ZNF892: variants seen among roughly 807,000 people sequenced by gnomAD.
ZNF892 encodes zinc finger protein 892.
At chr2:95,228,373 T>A in the ZNF892 span, among the ~76,000 whole-genome samples, 1 of 152,154 alleles carries the variant, frequency 6.6e-6, no homozygotes, top group Non-Finnish European at 1.5e-5. Flanking sequence ...AAGGTTATAG[T>A]GAGCTAGGAT....
the ZNF892 span, among the ~76,000 whole-genome samples, chr2:95,229,243 C>T: frequency 2.6e-5 from 4 of 152,298 alleles, no homozygotes; most frequent in South Asian, 8.3e-4. Context: ...TCCAGGTTCA[C>T]GGTATCACTA....
At chr2:95,239,664 G>A in the ZNF892 span, among the ~76,000 whole-genome samples, 2 of 151,964 alleles carry the variant, frequency 1.3e-5, no homozygotes, top group Non-Finnish European at 2.9e-5. Context: ...GTCTAGCTCT[G>A]TCACCCAGGC....
chr2:95,234,858 G>C, the ZNF892 span, among the ~76,000 whole-genome samples: 4 of 152,336 alleles, frequency 2.6e-5, no homozygotes, highest in African/African-American at 9.6e-5. Flanking sequence ...TAATTTGCTG[G>C]AGCAGCTCAC....
chr2:95,239,670 C>T, the ZNF892 span, among the ~76,000 whole-genome samples: 2 of 152,148 alleles, frequency 1.3e-5, no homozygotes, highest in African/African-American at 4.8e-5. Context: ...CTCTGTCACC[C>T]AGGCTGGAGT....
chr2:95,262,760 G>A, the ZNF892 span, among the ~76,000 whole-genome samples: 8 of 152,254 alleles, frequency 5.3e-5, no homozygotes, highest in South Asian at 2.1e-4. Context: ...AATATATTTC[G>A]GCTTAGGTTT....
the ZNF892 span, among the ~76,000 whole-genome samples, chr2:95,242,551 A>G: frequency 3.3e-5 from 5 of 152,342 alleles, no homozygotes; most frequent in South Asian, 8.3e-4. Context: ...ACTGAAGTAC[A>G]CAGACCAGTG....
chr2:95,220,015 T>C, the ZNF892 span, among the ~76,000 whole-genome samples: 1 of 152,174 alleles, frequency 6.6e-6, no homozygotes, highest in African/African-American at 2.4e-5. Context: ...GACCCCCCAC[T>C]TGGCTTCCAC....
chr2:95,240,360 G>A, the ZNF892 span, among the ~76,000 whole-genome samples: 1 of 152,210 alleles, frequency 6.6e-6, no homozygotes, highest in Non-Finnish European at 1.5e-5. Flanking sequence ...AGAGCCAAAG[G>A]AACCCCCACC....
At chr2:95,211,107 C>T in the ZNF892 span, among the ~76,000 whole-genome samples, 1 of 152,228 alleles carries the variant, frequency 6.6e-6, no homozygotes, top group East Asian at 1.9e-4. Flanking sequence ...GCTTCAGATA[C>T]TGTTTTACAA....
the ZNF892 span, among the ~76,000 whole-genome samples, chr2:95,226,779 C>T: frequency 6.6e-6 from 1 of 151,952 alleles, no homozygotes; most frequent in Non-Finnish European, 1.5e-5. Context: ...CCCACGTGTC[C>T]CTGTGGGCCC....
the ZNF892 span, among the ~76,000 whole-genome samples, chr2:95,254,173 A>G: frequency 6.6e-6 from 1 of 152,300 alleles, no homozygotes; most frequent in South Asian, 2.1e-4. Context: ...TTCAAAGGGA[A>G]TGCTTCCAGT....
the ZNF892 span, among the ~76,000 whole-genome samples, chr2:95,206,937 A>C: frequency 6.6e-6 from 1 of 152,236 alleles, no homozygotes; most frequent in African/African-American, 2.4e-5. Context: ...AGTTAGAGTA[A>C]AAACAAGGTT....
the ZNF892 span, chr2:95,232,042 A>G: frequency 6.6e-6 from 1 of 152,188 alleles, no homozygotes; most frequent in Admixed American, 6.5e-5. Flanking sequence ...TATTCAAAAG[A>G]CTGTGCCTGA....
chr2:95,243,807 C>G, the ZNF892 span, among the ~76,000 whole-genome samples: 1 of 152,020 alleles, frequency 6.6e-6, no homozygotes, highest in African/African-American at 2.4e-5. Flanking sequence ...AAGTGAGGAG[C>G]CCCTCTGCCC....
At chr2:95,236,036 G>T in the ZNF892 span, among the ~76,000 whole-genome samples, 3 of 152,156 alleles carry the variant, frequency 2.0e-5, no homozygotes, top group Non-Finnish European at 4.4e-5. Context: ...TATTCACCTG[G>T]AAGGCAGGGG....
At chr2:95,237,856 C>A in the ZNF892 span, among the ~76,000 whole-genome samples, 5 of 152,176 alleles carry the variant, frequency 3.3e-5, no homozygotes, top group African/African-American at 4.8e-5. Flanking sequence ...AAGCCAGCTG[C>A]AATATTCCTT....
the ZNF892 span, among the ~76,000 whole-genome samples, chr2:95,247,805 C>T: frequency 6.6e-6 from 1 of 152,122 alleles, no homozygotes; most frequent in Non-Finnish European, 1.5e-5. Flanking sequence ...CATCTTACAC[C>T]AGTAAGAATG....
chr2:95,249,291 A>G, the ZNF892 span, among the ~76,000 whole-genome samples: 1 of 113,632 alleles, frequency 8.8e-6, no homozygotes, highest in Non-Finnish European at 1.6e-5. Flanking sequence ...CCCAGGCTGG[A>G]GTGCAGTGGC....
At chr2:95,249,601 G>A in the ZNF892 span, among the ~76,000 whole-genome samples, 1 of 151,948 alleles carries the variant, frequency 6.6e-6, no homozygotes, top group Admixed American at 6.6e-5. Context: ...AACCTAGAAA[G>A]TAAACAATAT....
Sources: gnomAD v4.1 joint callset for allele counts (sites outside exome capture counted in the v4.1 genomes callset) on GRCh38, gnomAD v4.1.1 for gene constraint, MANE v1.5 for transcripts, NCBI Gene and HGNC (gene_info 2026-07-23, HGNC 2026-07-21) for gene names.